Variants in PIEZO2 observed in about 807,000 individuals in gnomAD.
PIEZO2 encodes piezo type mechanosensitive ion channel component 2.
In PIEZO2, 172 loss-of-function variants were observed where a neutral mutation model predicts 337.3. The observed-to-expected ratio is 0.51, with a 90% confidence interval of 0.45 to 0.58. The LOEUF (loss-of-function observed/expected upper bound fraction) is 0.58, where lower values mean the gene tolerates loss of function less well. PIEZO2 is among the 20% of genes least tolerant of loss of function. The pLI is 0.00. For synonymous variants in PIEZO2, 1,251 were observed against 1,228.5 expected (o/e 1.02, Z -0.38); for missense variants, 3,028 against 3,391.3 (o/e 0.89, Z 2.66).
chr18:10,761,183 T>G, intron 23 of PIEZO2, 72 bp from the exon 24 acceptor site: 1 of 1,288,334 alleles, frequency 7.8e-7, no homozygotes, highest in Admixed American at 2.0e-5. Flanking sequence ...AATCCCCACA[T>G]TCTGCACAGC....
At chr18:10,732,810 G>A (rs903599944) in intron 35 of PIEZO2, among the ~76,000 whole-genome samples, 4 of 152,148 alleles carry the variant, frequency 2.6e-5, no homozygotes, top group African/African-American at 9.7e-5. Flanking sequence ...GAATATCTTT[G>A]AGTTATAGTA....
intron 47 of PIEZO2, among the ~76,000 whole-genome samples, chr18:10,694,745 G>A (rs1447259752): frequency 6.6e-6 from 1 of 152,308 alleles, no homozygotes; most frequent in East Asian, 1.9e-4. Flanking sequence ...TGAGGCGGGA[G>A]GATTGTTTGA....
At chr18:11,117,119 T>C (rs1156939789) in intron 1 of PIEZO2, among the ~76,000 whole-genome samples, 1 of 152,196 alleles carries the variant, frequency 6.6e-6, no homozygotes, top group East Asian at 1.9e-4. Flanking sequence ...CACAAAAAAA[T>C]TGTGTATTTC....
chr18:10,696,207 G>T lies in PIEZO2; in HGVS notation c.7057C>A (p.Gln2353Lys). 4 of 1,614,098 alleles carry T rather than the reference G, an allele frequency of 2.5e-6. No individual in the cohort carries two copies. The highest frequency in any genetic ancestry group is 3.4e-6 in the Non-Finnish European group (4 of 1,179,912). ...CGGTCCACCACCATGGTTCCAAACT[G>T]AATGAGGACCATCACCAAAAACGGC... ...PGPFLVMVLIQFGTMVVDRAL... is the reference protein window; with the variant it reads ...PGPFLVMVLIKFGTMVVDRAL... The change falls in exon 47 of 56, where the codon CAG becomes AAG. Residue 2353 changes from glutamine to lysine, a missense_variant. Around this residue, in one of 5 missense-constraint regions of PIEZO2, gnomAD observed 179 missense variants for 281.8 expected, o/e 0.64. Coordinates refer to ENST00000674853, the MANE Select transcript of PIEZO2 (RefSeq NM_001378183.1).
intron 49 of PIEZO2, among the ~76,000 whole-genome samples, chr18:10,684,208 C>T (rs185449757): frequency 0.019 from 2,164 of 112,920 alleles, 20 homozygotes; most frequent in Middle Eastern, 0.17. Context: ...CTCTGTCGCC[C>T]AGGCTGGAGT....
In PIEZO2 at chr18:10,726,513, T is replaced by C. The variant is rs944379108; in HGVS notation, c.5029+4894A>G. The C allele has an allele frequency of 2.3e-5, 34 of 1,483,134 alleles. No individual in the cohort carries two copies. The African/African-American group carries it at 3.8e-4, about 16-fold the overall frequency. The allele number at this position is 1,483,134 out of a possible 1,614,324, so 91.9% of individuals were successfully genotyped here. A position where few individuals can be genotyped will look rare whatever the true frequency, so the allele number is the denominator to read the frequency against. ...GTGCTGCTCCGCAAGCAGCCGTTCC[T>C]GTGGCGCGCTGCGCTGCTCTGCTCT... On this transcript the variant is annotated intron_variant, in intron 36 of 55. Coordinates refer to ENST00000674853, the MANE Select transcript of PIEZO2 (RefSeq NM_001378183.1). This position sits in a 1 kb window ranked among gnomAD's most constrained non-coding sequence, Gnocchi z 5.9.
At chr18:10,681,366 TC>T (rs1353697308) in intron 51 of PIEZO2, among the ~76,000 whole-genome samples, 9 of 152,204 alleles carry the variant, frequency 5.9e-5, no homozygotes, top group Non-Finnish European at 1.3e-4. Flanking sequence ...TAGGACAGAT[TC>T]CCAGAGTAGG....
intron 5 of PIEZO2, among the ~76,000 whole-genome samples, chr18:10,864,232 A>C (rs1327353925): frequency 6.6e-6 from 1 of 152,106 alleles, no homozygotes; most frequent in Non-Finnish European, 1.5e-5. Flanking sequence ...TCCTCCATCT[A>C]TCCCTCCCTC....
intron 2 of PIEZO2, among the ~76,000 whole-genome samples, chr18:10,995,586 G>C (rs1176298174): frequency 6.6e-6 from 1 of 152,194 alleles, no homozygotes; most frequent in Non-Finnish European, 1.5e-5. Flanking sequence ...GATACCAGAA[G>C]TTCAATATCT....
chr18:10,906,212 A>G (rs1269084832), intron 4 of PIEZO2, among the ~76,000 whole-genome samples: 1 of 152,216 alleles, frequency 6.6e-6, no homozygotes, highest in Non-Finnish European at 1.5e-5. Context: ...TGTTCTTTGA[A>G]GGAGCAAGAT....
At chr18:10,720,399 G>GTA (rs2036236933) in intron 36 of PIEZO2, among the ~76,000 whole-genome samples, 1 of 9,176 alleles carries the variant, frequency 1.1e-4, no homozygotes, top group Non-Finnish European at 1.9e-4. Context: ...GTGTGTGTGT[G>GTA]TGTGTATGTG....
Position 11,080,329 on chromosome 18 carries a change from AT to A in PIEZO2, c.65-14108del, listed in dbSNP as rs1203861344. ...TCTTCCACCTCAGAATACCCATAGCATTTTGGTTTTAACACTCTTACAACAT... is the reference window on the plus strand; with the variant it reads ...TCTTCCACCTCAGAATACCCATAGCATTTGGTTTTAACACTCTTACAACAT... On this transcript the variant is annotated intron_variant, in intron 1 of 55. Coordinates refer to ENST00000674853, the MANE Select transcript of PIEZO2 (RefSeq NM_001378183.1). This position sits in a 1 kb window ranked among gnomAD's most constrained non-coding sequence, Gnocchi z 5.4. 1.3e-5 allele frequency among the ~76,000 whole-genome samples: 2 copies of A among 152,322 alleles called. No homozygotes were observed. The highest frequency in any genetic ancestry group is 3.9e-4 in the East Asian group (2 of 5,188).
chr18:10,782,871 G>C (rs942156354), intron 17 of PIEZO2, among the ~76,000 whole-genome samples: 1 of 152,082 alleles, frequency 6.6e-6, no homozygotes, highest in South Asian at 2.1e-4. Context: ...GAATTCTGTG[G>C]GACCTTAATT....
intron 14 of PIEZO2, 84 bp from the exon 15 acceptor site, chr18:10,789,449 G>A (rs1381272524): frequency 1.4e-6 from 2 of 1,389,482 alleles, no homozygotes; most frequent in Non-Finnish European, 1.9e-6. Context: ...ATAGGATGTA[G>A]AGGCATGCAT....
intron 3 of PIEZO2, among the ~76,000 whole-genome samples, chr18:10,959,405 T>C (rs1447040197): frequency 6.6e-6 from 1 of 152,200 alleles, no homozygotes; most frequent in Non-Finnish European, 1.5e-5. Flanking sequence ...ATTTAATTAT[T>C]TGAATGGAGA....
chr18:10,914,626 T>C (rs1402366787), intron 3 of PIEZO2, among the ~76,000 whole-genome samples: 1 of 152,208 alleles, frequency 6.6e-6, no homozygotes, highest in East Asian at 1.9e-4. Context: ...CTGAGGTCAG[T>C]TGAATTTGTT....
At chr18:11,147,746 T>C (rs560446285) in intron 1 of PIEZO2, among the ~76,000 whole-genome samples, 1 of 152,346 alleles carries the variant, frequency 6.6e-6, no homozygotes, top group African/African-American at 2.4e-5. Context: ...CAGCACCCAG[T>C]TGCTTTGCAC....
In PIEZO2 at chr18:10,731,456, T is replaced by G. The variant is rs1196403849; in HGVS notation, c.4980A>C (p.Lys1660Asn). Residue 1660 changes from lysine to asparagine, a missense_variant, in exon 36 of 56, where the codon AAA (lysine) becomes AAC (asparagine). Coordinates refer to ENST00000674853, the MANE Select transcript of PIEZO2 (RefSeq NM_001378183.1). ...TALRQRHKEK[K>N]RSAREERKRR... ...GTTTCCGTTCTTCTCTTGCAGACCT[T>G]TTTTTCTCTTTGTGTCTTTGTCGGA... The G allele has an allele frequency of 6.5e-7, 1 of 1,535,914 alleles. No homozygotes were observed. Among genetic ancestry groups the G allele is most frequent in the South Asian group, 1.2e-5 (1 of 83,928 alleles).
rs373397850 is a variant in PIEZO2 at position 11,031,827 on chromosome 18, T to A, written c.160+34300A>T. On this transcript the variant is annotated intron_variant, in intron 2 of 55. Transcript: ENST00000674853. The surrounding 1 kb of genome is among the most constrained non-coding windows in gnomAD (Gnocchi z 4.7). Reference sequence around the variant, plus strand: ...TGAGGTGTTGGCAAGCTCAGGGCAATGGCTATTTATTAATCTATTGGGTGT... The same window carrying A: ...TGAGGTGTTGGCAAGCTCAGGGCAAAGGCTATTTATTAATCTATTGGGTGT... Among the ~76,000 whole-genome samples the A allele has an allele frequency of 6.6e-6, 1 of 152,190 alleles. No individual in the cohort carries two copies. The highest frequency in any genetic ancestry group is 1.9e-4 in the East Asian group (1 of 5,194).
Sources: allele counts gnomAD v4.1 joint callset (sites outside exome capture counted in the v4.1 genomes callset), GRCh38; gene constraint gnomAD v4.1.1; regional missense constraint gnomAD v4.1.1; non-coding constraint Gnocchi (gnomAD v3.1); transcripts MANE v1.5; gene names NCBI Gene and HGNC (gene_info 2026-07-23, HGNC 2026-07-21).